Variants in CDC42BPA observed in about 807,000 individuals in gnomAD.
CDC42BPA encodes CDC42 binding protein kinase alpha, also known as serine/threonine-protein kinase MRCK alpha.
A neutral mutation model predicts 223.5 loss-of-function variants in CDC42BPA; 80 were observed. The observed-to-expected ratio is 0.36, with a 90% CI of 0.30 to 0.43. The LOEUF (loss-of-function observed/expected upper bound fraction) is 0.43. CDC42BPA is among the 20% of genes least tolerant of loss of function. CDC42BPA has a pLI of 1.00. For synonymous variants in CDC42BPA, 694 were observed against 718.6 expected, an observed-to-expected ratio of 0.97 and a Z score of 0.55; for missense variants, 1,743 against 2,099.9, an observed-to-expected ratio of 0.83 and a Z score of 3.32.
chr1:227,155,854 AG>A (rs1662654812), intron 6 of CDC42BPA, among the ~76,000 whole-genome samples: 2 of 152,198 alleles, frequency 1.3e-5, no homozygotes. Flanking sequence ...GAGGATAGAG[AG>A]GATGTGTACT....
chr1:227,292,729 T>C (rs12120033), intron 1 of CDC42BPA, among the ~76,000 whole-genome samples: 113 of 152,328 alleles, frequency 7.4e-4, no homozygotes, highest in Non-Finnish European at 1.3e-3. Flanking sequence ...ATGAGGAATA[T>C]GTCTTACTCA....
chr1:227,189,038 GATTTAAAA>G (rs1669291061), intron 5 of CDC42BPA, among the ~76,000 whole-genome samples: 1 of 152,032 alleles, frequency 6.6e-6, no homozygotes, highest in East Asian at 1.9e-4. Flanking sequence ...GAAGTTTACT[GATTTAAAA>G]AGTATATATG....
At chr1:227,077,102 CA>C (rs1405215964) in intron 17 of CDC42BPA, among the ~76,000 whole-genome samples, 1 of 152,108 alleles carries the variant, frequency 6.6e-6, no homozygotes, top group African/African-American at 2.4e-5. Flanking sequence ...ATTGAGAAGA[CA>C]AATAAGGGAC....
At chr1:227,082,617 A>G (rs111963380) in intron 16 of CDC42BPA, among the ~76,000 whole-genome samples, 19,457 of 147,260 alleles carry the variant, frequency 0.13, 1,326 homozygotes, top group East Asian at 0.27. Flanking sequence ...CAGGAGGCTG[A>G]GGCAGGATAA....
intron 21 of CDC42BPA, among the ~76,000 whole-genome samples, chr1:227,060,871 G>A (rs768000031): frequency 1.2e-4 from 18 of 151,692 alleles, no homozygotes; most frequent in East Asian, 9.7e-4. Context: ...ACAAGTGCGC[G>A]CCACCATGCC....
At chr1:227,229,360 T>C (rs1457069363) in intron 2 of CDC42BPA, among the ~76,000 whole-genome samples, 1 of 152,210 alleles carries the variant, frequency 6.6e-6, no homozygotes, top group African/African-American at 2.4e-5. Context: ...TTCTTTTCTC[T>C]TGATTTATAT....
intron 2 of CDC42BPA, among the ~76,000 whole-genome samples, chr1:227,223,409 A>G (rs1676283991): frequency 6.6e-6 from 1 of 152,230 alleles, no homozygotes; most frequent in Admixed American, 6.5e-5. Flanking sequence ...CTAGAACCTT[A>G]AAAATACAGA....
At chr1:227,195,020 G>C (rs1287945812) in intron 4 of CDC42BPA, among the ~76,000 whole-genome samples, 2 of 152,090 alleles carry the variant, frequency 1.3e-5, no homozygotes, top group Non-Finnish European at 2.9e-5. Flanking sequence ...AAAGAGTCTT[G>C]AAAAAATTCA....
chr1:227,208,095 T>C (rs1472690651), intron 3 of CDC42BPA, among the ~76,000 whole-genome samples: 1 of 102,622 alleles, frequency 9.7e-6, no homozygotes, highest in South Asian at 3.7e-4. Context: ...GTGGTTTTGA[T>C]TTGCGTTTCT....
intron 2 of CDC42BPA, among the ~76,000 whole-genome samples, chr1:227,243,793 C>T (rs964173771): frequency 1.5e-4 from 22 of 147,352 alleles, no homozygotes; most frequent in African/African-American, 4.3e-4. Context: ...CACACACACA[C>T]GTGTGCACAT....
chr1:226,998,228 T>C (rs1662037657), intron 35 of CDC42BPA, among the ~76,000 whole-genome samples: 1 of 152,128 alleles, frequency 6.6e-6, no homozygotes, highest in Non-Finnish European at 1.5e-5. Flanking sequence ...CCCAAAGTAA[T>C]TTATAGATTT....
At position 227,028,990 on chromosome 1, in the gene CDC42BPA, G is replaced by C. The variant is rs775695070; in HGVS notation, c.4099C>G (p.Gln1367Glu). The change falls in exon 30 of 37, where the codon CAG (glutamine) becomes GAG (glutamate). Residue 1367 changes from glutamine to glutamate, a missense_variant. Physicochemically the swap from Gln to Glu is conservative, Grantham distance 29. Around this residue, in one of 6 missense-constraint regions of CDC42BPA, gnomAD observed 678 missense variants for 777.5 expected, o/e 0.87. Coordinates refer to ENST00000366766, the MANE Select transcript of CDC42BPA (RefSeq NM_001394014.1). ...KRQVLCYELF[Q>E]SKTRHRKFKE... ...AATTTTCTGTGACGGGTCTTGCTCT[G>C]AAATAGTTCATAACAGAGGACCTGC... is the stretch of plus-strand genomic sequence containing the variant. The C allele has an allele frequency of 6.2e-7, 1 of 1,614,054 alleles. No individual in the cohort carries two copies. The highest frequency in any genetic ancestry group is 8.5e-7 in the Non-Finnish European group (1 of 1,180,024).
At chr1:227,203,867 C>T (rs543398253) in intron 3 of CDC42BPA, among the ~76,000 whole-genome samples, 27 of 152,168 alleles carry the variant, frequency 1.8e-4, no homozygotes, top group Admixed American at 1.3e-4. Flanking sequence ...GGACTACATA[C>T]ATAAATGGTA....
rs367801909 is a variant in CDC42BPA at position 227,246,115 on chromosome 1, CTGA to C, written c.270+7946_270+7948del. ...GAGGCCTGGCAGCACTCACCACAAGCTGATGAAAGAGCTCTTGGGCTTTAAGTG... is the reference window on the plus strand; with the variant it reads ...GAGGCCTGGCAGCACTCACCACAAGCTGAAAGAGCTCTTGGGCTTTAAGTG... On this transcript the variant is annotated intron_variant, in intron 2 of 36. Transcript: ENST00000366766. 8.1e-4 allele frequency among the ~76,000 whole-genome samples: 124 copies of C among 152,268 alleles called. 3 individuals are homozygous for C. In the East Asian group the frequency reaches 0.023, roughly 29 times the overall value.
intron 6 of CDC42BPA, among the ~76,000 whole-genome samples, chr1:227,150,535 A>G (rs1182273776): frequency 6.6e-6 from 1 of 152,168 alleles, no homozygotes; most frequent in African/African-American, 2.4e-5. Flanking sequence ...AGACTGAGTA[A>G]ACTATCGCTA....
Position 227,196,338 on chromosome 1 carries a change from C to CTTTTTTTTTTTTTTTTTTTTTT in CDC42BPA, c.451-2405_451-2404insAAAAAAAAAAAAAAAAAAAAAA, listed in dbSNP as rs34352900. 4.9e-4 allele frequency among the ~76,000 whole-genome samples: 45 copies of CTTTTTTTTTTTTTTTTTTTTTT among 92,360 alleles called. 4 individuals are homozygous for CTTTTTTTTTTTTTTTTTTTTTT. Among genetic ancestry groups the CTTTTTTTTTTTTTTTTTTTTTT allele is most frequent in the African/African-American group, 1.5e-3 (31 of 21,204 alleles). The allele number at this position is 92,360 out of a possible 152,430, so 60.6% of individuals were successfully genotyped here. ...GCTTTCTTTTTACTATTAAACAATA[C>CTTTTTTTTTTTTTTTTTTTTTT]TTTTTTTTTTTTTTTTTTTGAGACA... On this transcript the variant is annotated intron_variant, in intron 4 of 36. Coordinates refer to ENST00000366766, the MANE Select transcript of CDC42BPA (RefSeq NM_001394014.1).
chr1:227,201,363 GTC>G (rs1191694610), intron 3 of CDC42BPA, among the ~76,000 whole-genome samples: 2 of 151,914 alleles, frequency 1.3e-5, no homozygotes, highest in African/African-American at 2.4e-5. Flanking sequence ...GCTCAGGTTG[GTC>G]TCATACTACT....
chr1:227,143,264 A>G (rs910920316), intron 8 of CDC42BPA, among the ~76,000 whole-genome samples: 2 of 152,196 alleles, frequency 1.3e-5, no homozygotes, highest in African/African-American at 4.8e-5. Flanking sequence ...GAATACAGTC[A>G]TTATTATTCA....
intron 1 of CDC42BPA, among the ~76,000 whole-genome samples, chr1:227,283,352 C>T (rs187628108): frequency 1.6e-4 from 25 of 152,038 alleles, no homozygotes; most frequent in African/African-American, 5.5e-4. Context: ...AGTATTGACC[C>T]ACCAAAAAAA....
Sources: gnomAD v4.1 joint callset for allele counts (sites outside exome capture counted in the v4.1 genomes callset) on GRCh38, gnomAD v4.1.1 for gene constraint, gnomAD v4.1.1 regional missense constraint, MANE v1.5 for transcripts, NCBI Gene and HGNC (gene_info 2026-07-23, HGNC 2026-07-21) for gene names.